The following PRKCA variants were observed in gnomAD, a reference collection of about 807,000 sequenced individuals.
PRKCA encodes the protein protein kinase C alpha.
In PRKCA, 27 loss-of-function variants were observed where a neutral mutation model predicts 87.0. That is an observed-to-expected ratio of 0.31 (90% CI 0.23 to 0.43). The LOEUF is 0.43. PRKCA is among the 20% of genes least tolerant of loss of function. PRKCA has a pLI of 1.00. For missense variants in PRKCA, 518 were observed against 852.3 expected (o/e 0.61, Z 4.88); for synonymous variants, 329 against 311.1 (o/e 1.06, Z -0.61).
intron 2 of PRKCA, among the ~76,000 whole-genome samples, chr17:66,379,428 C>T (rs1909662208): frequency 6.6e-6 from 1 of 152,082 alleles, no homozygotes; most frequent in South Asian, 2.1e-4. Context: ...ATATTCTTTG[C>T]CCATTGTTTA....
intron 13 of PRKCA, among the ~76,000 whole-genome samples, chr17:66,749,803 C>A (rs1450819791): frequency 1.3e-5 from 2 of 152,078 alleles, no homozygotes; most frequent in East Asian, 3.9e-4. Context: ...ACTCTTTAGC[C>A]AGGTGATTGG....
intron 2 of PRKCA, among the ~76,000 whole-genome samples, chr17:66,314,270 C>G (rs1484289811): frequency 1.3e-5 from 2 of 152,200 alleles, no homozygotes; most frequent in African/African-American, 4.8e-5. Context: ...GTCAAAATTT[C>G]CACGGCAGAC....
intron 2 of PRKCA, among the ~76,000 whole-genome samples, chr17:66,363,846 G>A (rs908242146): frequency 2.0e-5 from 3 of 152,150 alleles, no homozygotes; most frequent in Admixed American, 1.3e-4. Context: ...GGGACTACAG[G>A]CGCGTGCCAC....
chr17:66,568,643 A>G (rs1968970019), intron 3 of PRKCA, among the ~76,000 whole-genome samples: 1 of 152,188 alleles, frequency 6.6e-6, no homozygotes, highest in Non-Finnish European at 1.5e-5. Context: ...TTTGAGAAGT[A>G]CATAAACAGT....
intron 2 of PRKCA, among the ~76,000 whole-genome samples, chr17:66,368,247 G>A (rs1330071232): frequency 6.6e-6 from 1 of 151,514 alleles, no homozygotes; most frequent in Non-Finnish European, 1.5e-5. Context: ...GACAATTCCA[G>A]TGACCTTTGG....
In PRKCA at chr17:66,765,434, A is replaced by ATATATC. The variant is rs1568020973; in HGVS notation, c.1525-8548_1525-8547insCTATAT. 1.7e-3 allele frequency among the ~76,000 whole-genome samples: 228 copies of ATATATC among 132,114 alleles called. 1 individual carries two copies. Among genetic ancestry groups the ATATATC allele is most frequent in the Admixed American group, 3.4e-3 (45 of 13,246 alleles). The allele number at this position is 132,114 out of a possible 152,430, so 86.7% of individuals were successfully genotyped here. A position where few individuals can be genotyped will look rare whatever the true frequency, so the allele number is the denominator to read the frequency against. ...AGACTTTGTCTATATATATATATAT[A>ATATATC]TATATATATATATATATATATCCAT... On this transcript the variant is annotated intron_variant, in intron 13 of 16. Transcript: ENST00000413366.
chr17:66,502,741 G>A (rs1460895995), intron 3 of PRKCA, among the ~76,000 whole-genome samples: 6 of 151,986 alleles, frequency 3.9e-5, no homozygotes, highest in Middle Eastern at 3.4e-3. Flanking sequence ...TGCAAGCTCC[G>A]CCTCCTGGGT....
At chr17:66,716,398 C>T (rs780063565) in intron 8 of PRKCA, among the ~76,000 whole-genome samples, 4 of 152,134 alleles carry the variant, frequency 2.6e-5, no homozygotes, top group Non-Finnish European at 4.4e-5. Context: ...TTGCAGTGCG[C>T]ACTGGGCCTT....
At chr17:66,461,160 C>T (rs1284593227) in intron 2 of PRKCA, among the ~76,000 whole-genome samples, 1 of 144,956 alleles carries the variant, frequency 6.9e-6, no homozygotes, top group Non-Finnish European at 1.5e-5. Flanking sequence ...ACGCTATGTT[C>T]ACGTCACTGC....
chr17:66,680,646 T>G (rs1413593259), intron 5 of PRKCA, among the ~76,000 whole-genome samples: 1 of 152,206 alleles, frequency 6.6e-6, no homozygotes, highest in Non-Finnish European at 1.5e-5. Flanking sequence ...AGTCTGGTCC[T>G]CAGGCAACAG....
intron 10 of PRKCA, among the ~76,000 whole-genome samples, chr17:66,738,416 T>G (rs7215445): frequency 0.13 from 20,389 of 152,206 alleles, 1,625 homozygotes; most frequent in East Asian, 0.31. Flanking sequence ...TTGCCTTATG[T>G]GGATTCCTCA....
intron 2 of PRKCA, among the ~76,000 whole-genome samples, chr17:66,353,888 CT>C (rs113741054): frequency 5.3e-4 from 78 of 148,056 alleles, no homozygotes; most frequent in Middle Eastern, 3.5e-3. Flanking sequence ...TCACTGGGAA[CT>C]TTTTTTTTTT....
intron 2 of PRKCA, among the ~76,000 whole-genome samples, chr17:66,363,183 C>T (rs192502212): frequency 4.6e-5 from 7 of 152,330 alleles, no homozygotes; most frequent in Non-Finnish European, 1.5e-5. Context: ...TGAAAAGACA[C>T]TGCAAAGATG....
At chr17:66,377,012 C>T (rs888953275) in intron 2 of PRKCA, among the ~76,000 whole-genome samples, 9 of 145,054 alleles carry the variant, frequency 6.2e-5, no homozygotes, top group East Asian at 2.2e-4. Flanking sequence ...CCAAAGCCTC[C>T]GGATTTATTT....
At chr17:66,513,366 A>G (rs1038555793) in intron 3 of PRKCA, among the ~76,000 whole-genome samples, 2 of 152,242 alleles carry the variant, frequency 1.3e-5, no homozygotes, top group Non-Finnish European at 2.9e-5. Flanking sequence ...GTGATCGGAC[A>G]TCTTCCAAAT....
At chr17:66,771,669 C>G (rs1974936359) in intron 13 of PRKCA, among the ~76,000 whole-genome samples, 1 of 152,092 alleles carries the variant, frequency 6.6e-6, no homozygotes, top group Non-Finnish European at 1.5e-5. Flanking sequence ...AGTCTTGGCT[C>G]ATTGCAACCT....
intron 3 of PRKCA, among the ~76,000 whole-genome samples, chr17:66,518,087 G>C (rs966394949): frequency 6.6e-6 from 1 of 152,124 alleles, no homozygotes; most frequent in Non-Finnish European, 1.5e-5. Flanking sequence ...GCTGGCTGTT[G>C]TTCCAGGATA....
chr17:66,443,910 C>G lies in PRKCA; in HGVS notation c.206-52291C>G, dbSNP rs564905482. On this transcript the variant is annotated intron_variant, in intron 2 of 16. Coordinates refer to ENST00000413366, the MANE Select transcript of PRKCA (RefSeq NM_002737.3). ...CGCTACATCTGAGCACAGACTTAAC[C>G]CAGAAACGCAGGCGGTCAGGAAATC... Among the ~76,000 whole-genome samples the G allele has an allele frequency of 2.8e-4, 43 of 152,196 alleles. No homozygotes were observed. The South Asian group carries it at 3.3e-3, about 12-fold the overall frequency.
chr17:66,417,652 G>T lies in PRKCA; in HGVS notation c.206-78549G>T, dbSNP rs953432587. Among the ~76,000 whole-genome samples, 4 of 152,182 alleles carry T rather than the reference G, an allele frequency of 2.6e-5. No individual in the cohort carries two copies. The East Asian group carries it at 7.7e-4, about 29-fold the overall frequency. ...GGTAAGGAGGGTCCCTCTGCCTCCA[G>T]TGTCACTGCAAAGCGACAGCTACCT... On this transcript the variant is annotated intron_variant, in intron 2 of 16. Coordinates refer to ENST00000413366, the MANE Select transcript of PRKCA (RefSeq NM_002737.3).
Sources: allele counts gnomAD v4.1 joint callset (sites outside exome capture counted in the v4.1 genomes callset), GRCh38; gene constraint gnomAD v4.1.1; transcripts MANE v1.5; gene names NCBI Gene and HGNC (gene_info 2026-07-23, HGNC 2026-07-21).